NOS2: variants seen among roughly 807,000 people sequenced by gnomAD.
NOS2 encodes the protein nitric oxide synthase 2.
NOS2 carries 96 observed loss-of-function variants against 136.0 expected under a neutral mutation model. That is an observed-to-expected ratio of 0.71 (90% CI 0.60 to 0.84). NOS2 has a LOEUF of 0.84. Ranked by LOEUF, NOS2 falls within the 40% of genes least tolerant of loss-of-function variation. The pLI is 0.00. For synonymous variants in NOS2, 539 were observed against 587.5 expected (o/e 0.92, Z 1.20); for missense variants, 1,237 against 1,496.9 (o/e 0.83, Z 2.87).
In NOS2 at chr17:27,769,867, C is replaced by G. The variant is rs191540640; in HGVS notation, c.1810-283G>C. On this transcript the variant is annotated intron_variant, in intron 15 of 26. Transcript: ENST00000313735. ...ACCCATCCAGCCCTGGCAGAGGGGCCTGCCTGGTAGCATGCCTTCTCCAGA... is the reference window on the plus strand; with the variant it reads ...ACCCATCCAGCCCTGGCAGAGGGGCGTGCCTGGTAGCATGCCTTCTCCAGA... Among the ~76,000 whole-genome samples the G allele has an allele frequency of 3.0e-3, 451 of 152,336 alleles. 4 individuals are homozygous for G. Among genetic ancestry groups the G allele is most frequent in the Middle Eastern group, 6.8e-3 (2 of 294 alleles).
At chr17:27,761,014 T>C (rs964432951) in intron 23 of NOS2, 130 bp downstream of exon 23, 41 of 916,100 alleles carry the variant, frequency 4.5e-5, no homozygotes, top group Non-Finnish European at 6.4e-5. Flanking sequence ...GCCACACCAG[T>C]GTGACCCCAG....
chr17:27,794,894 T>G (rs1909306646), intron 2 of NOS2, among the ~76,000 whole-genome samples: 1 of 152,148 alleles, frequency 6.6e-6, no homozygotes, highest in Admixed American at 6.5e-5. Flanking sequence ...CAGGATGAAA[T>G]CCCCTTTGCA....
rs1908741482 is a variant in NOS2, at chr17:27,778,735, G to A, written c.1236C>T (p.Asp412=). 6.2e-7 allele frequency: 1 copy of A among 1,614,212 alleles called. No homozygotes were observed. Among genetic ancestry groups the A allele is most frequent in the East Asian group, 2.2e-5 (1 of 44,896 alleles). Residue 412 remains aspartate (D), a synonymous_variant, in exon 11 of 27, where the codon GAC becomes GAT. Coordinates refer to ENST00000313735, the MANE Select transcript of NOS2 (RefSeq NM_000625.4). ...CAATGTTGATCTCAACGACAGCCTG[G>A]TCTTTCCAGAGCGAGGCCAGCTTGT... ...ETHKLASLWK[D]QAVVEINIAV... is the part of the protein sequence containing the mutation.
intron 21 of NOS2, 59 bp from the exon 22 acceptor site, chr17:27,763,064 C>T (rs1908187117): frequency 1.8e-6 from 2 of 1,093,988 alleles, no homozygotes; most frequent in African/African-American, 3.1e-5. Flanking sequence ...GGGGAAAAGA[C>T]TGTCACAACC....
At chr17:27,764,781 C>T (rs1432107255) in intron 20 of NOS2, among the ~76,000 whole-genome samples, 4 of 152,158 alleles carry the variant, frequency 2.6e-5, no homozygotes, top group South Asian at 2.1e-4. Flanking sequence ...TAGTTGGTGC[C>T]GTGCCTGGTA....
intron 1 of NOS2, 64 bp from the exon 2 acceptor site, chr17:27,798,946 TG>T: frequency 6.2e-6 from 4 of 642,216 alleles, no homozygotes; most frequent in Non-Finnish European, 1.1e-5. Flanking sequence ...GGCTTCTCAG[TG>T]GGGTTGGCTC....
chr17:27,773,468 G>C (rs903864552), intron 12 of NOS2, among the ~76,000 whole-genome samples: 1 of 152,200 alleles, frequency 6.6e-6, no homozygotes. Context: ...ATCGAGGGGG[G>C]GCGGCTAACC....
intron 11 of NOS2, among the ~76,000 whole-genome samples, chr17:27,777,589 G>T (rs1457652718): frequency 6.6e-6 from 1 of 152,174 alleles, no homozygotes; most frequent in Non-Finnish European, 1.5e-5. Context: ...GTTTGTGCCA[G>T]GCCAGATCGC....
intron 2 of NOS2, among the ~76,000 whole-genome samples, chr17:27,790,779 G>A (rs922174060): frequency 3.3e-5 from 5 of 152,094 alleles, no homozygotes; most frequent in South Asian, 2.1e-4. Context: ...TTCTGAAACC[G>A]GTCAGAAACC....
At position 27,782,124 on chromosome 17, in the gene NOS2, G is replaced by A. The variant is rs192833646; in HGVS notation, c.631-18C>T. ...TCGAAGACCTGCAACAGCCCATCCA[G>A]ACCATGCCCATCAAAGACTGGGTAG... is the stretch of plus-strand genomic sequence containing the variant. On this transcript the variant is annotated intron_variant, in intron 6 of 26. Coordinates refer to ENST00000313735, the MANE Select transcript of NOS2 (RefSeq NM_000625.4). 2.5e-6 allele frequency: 4 copies of A among 1,611,854 alleles called. No homozygotes were observed. In the Admixed American group the frequency reaches 6.7e-5, roughly 27 times the overall value.
chr17:27,775,865 A>T (rs1908642381), intron 11 of NOS2, among the ~76,000 whole-genome samples: 2 of 152,374 alleles, frequency 1.3e-5, no homozygotes, highest in East Asian at 1.9e-4. Context: ...GTGCTTAATA[A>T]ATATTAGCTG....
intron 5 of NOS2, among the ~76,000 whole-genome samples, chr17:27,784,009 T>C (rs943801605): frequency 5.3e-5 from 8 of 152,148 alleles, no homozygotes; most frequent in Non-Finnish European, 1.0e-4. Flanking sequence ...ACCGTGCTGT[T>C]CCTCAGCCTC....
At chr17:27,791,171 T>C (rs964296891) in intron 2 of NOS2, among the ~76,000 whole-genome samples, 2 of 152,230 alleles carry the variant, frequency 1.3e-5, no homozygotes, top group Non-Finnish European at 2.9e-5. Flanking sequence ...GATGTAAGTA[T>C]GTATCAGAAA....
rs2142533580 is a variant in NOS2, at chr17:27,798,687, A to G, written c.110+13T>C. The G allele has an allele frequency of 6.4e-7, 1 of 1,565,648 alleles. No individual in the cohort carries two copies. The highest frequency in any genetic ancestry group is 8.8e-7 in the Non-Finnish European group (1 of 1,135,816). ...AAGGAGACAAGCAGGAGGTTCCCCC[A>G]GGGAAAACTCACCTGGAGGTGGCAC... On this transcript the variant is annotated intron_variant, in intron 2 of 26. Coordinates refer to ENST00000313735, the MANE Select transcript of NOS2 (RefSeq NM_000625.4).
intron 19 of NOS2, 139 bp downstream of exon 19, chr17:27,766,371 C>T (rs566803739): frequency 2.5e-5 from 19 of 769,538 alleles, no homozygotes; most frequent in East Asian, 1.8e-4. Flanking sequence ...CCAGGTGGGC[C>T]GGTCCTACCG....
chr17:27,758,799 G>C (rs371136301), intron 26 of NOS2, 82 bp downstream of exon 26: 2 of 1,100,862 alleles, frequency 1.8e-6, no homozygotes, highest in East Asian at 3.1e-5. Context: ...GATTCCCCTG[G>C]GTCTACCTGC....
intron 11 of NOS2, 37 bp downstream of exon 11, chr17:27,778,653 C>G: frequency 1.3e-6 from 2 of 1,545,214 alleles, no homozygotes; most frequent in South Asian, 2.2e-5. Context: ...AAGCTTCTCA[C>G]CAAAAAGTCT....
At chr17:27,760,595 CT>C (rs1908087211) in intron 24 of NOS2, 27 bp downstream of exon 24, 1 of 1,551,558 alleles carries the variant, frequency 6.4e-7, no homozygotes, top group South Asian at 1.2e-5. Flanking sequence ...CCTGGTGCCC[CT>C]CCCACCTGGG....
chr17:27,795,213 TTC>T (rs1240518101), intron 2 of NOS2, among the ~76,000 whole-genome samples: 1 of 152,254 alleles, frequency 6.6e-6, no homozygotes, highest in South Asian at 2.1e-4. Flanking sequence ...TGGGTCATTT[TTC>T]TCTGTCTCTT....
Sources: allele counts gnomAD v4.1 joint callset (sites outside exome capture counted in the v4.1 genomes callset), GRCh38; gene constraint gnomAD v4.1.1; transcripts MANE v1.5; gene names NCBI Gene and HGNC (gene_info 2026-07-23, HGNC 2026-07-21).